Variants in SPMIP7 observed in about 807,000 individuals in gnomAD.
SPMIP7 encodes the protein sperm microtubule inner protein 7, also known as protein SPMIP7.
the SPMIP7 span, among the ~76,000 whole-genome samples, chr7:50,150,047 C>T: frequency 3.3e-5 from 5 of 152,290 alleles, no homozygotes; most frequent in South Asian, 6.2e-4. Context: ...TTTCACTAAC[C>T]TCTCTTCTGC....
At chr7:50,140,392 C>T in the SPMIP7 span, among the ~76,000 whole-genome samples, 1 of 151,874 alleles carries the variant, frequency 6.6e-6, no homozygotes, top group Non-Finnish European at 1.5e-5. Context: ...AAGAAAGAAA[C>T]AAAGAAGGAA....
At chr7:50,129,452 C>T in the SPMIP7 span, among the ~76,000 whole-genome samples, 1 of 151,782 alleles carries the variant, frequency 6.6e-6, no homozygotes, top group Non-Finnish European at 1.5e-5. Context: ...CTGATGTTTC[C>T]AATTCAAGAG....
At chr7:50,111,822 A>G in the SPMIP7 span, among the ~76,000 whole-genome samples, 58 of 152,290 alleles carry the variant, frequency 3.8e-4, no homozygotes, top group Non-Finnish European at 7.5e-4. Flanking sequence ...AATATTGCAA[A>G]CCACACAAAA....
chr7:50,121,343 C>A, the SPMIP7 span: 10 of 152,182 alleles, frequency 6.6e-5, no homozygotes, highest in Non-Finnish European at 1.5e-4. Context: ...TATAGGTGAA[C>A]CAACTGCAAC....
chr7:50,108,747 G>T, the SPMIP7 span, among the ~76,000 whole-genome samples: 29 of 152,154 alleles, frequency 1.9e-4, no homozygotes, highest in East Asian at 4.4e-3. Flanking sequence ...TACTACTTAA[G>T]AAATAAATTT....
At chr7:50,138,428 A>G in the SPMIP7 span, among the ~76,000 whole-genome samples, 1 of 152,242 alleles carries the variant, frequency 6.6e-6, no homozygotes, top group African/African-American at 2.4e-5. Context: ...ATAGCATGAG[A>G]CAGACAGACA....
the SPMIP7 span, among the ~76,000 whole-genome samples, chr7:50,102,232 CA>C: frequency 2.2e-4 from 34 of 152,078 alleles, no homozygotes; most frequent in Non-Finnish European, 4.1e-4. Flanking sequence ...GCTGAGGTGG[CA>C]GAATTGTTTG....
At chr7:50,111,324 T>C in the SPMIP7 span, among the ~76,000 whole-genome samples, 3 of 152,062 alleles carry the variant, frequency 2.0e-5, no homozygotes, top group African/African-American at 4.8e-5. Context: ...ATGCAGGTTT[T>C]GTAGATGAGA....
At chr7:50,139,074 G>C in the SPMIP7 span, among the ~76,000 whole-genome samples, 1 of 152,084 alleles carries the variant, frequency 6.6e-6, no homozygotes, top group Non-Finnish European at 1.5e-5. Context: ...TTATTGACCA[G>C]GTGTGGGGGC....
the SPMIP7 span, among the ~76,000 whole-genome samples, chr7:50,155,343 T>C: frequency 1.3e-5 from 2 of 152,222 alleles, no homozygotes; most frequent in South Asian, 4.1e-4. Flanking sequence ...AGACAAGTAA[T>C]ATATATTTAC....
the SPMIP7 span, among the ~76,000 whole-genome samples, chr7:50,144,445 A>G: frequency 6.6e-6 from 1 of 152,194 alleles, no homozygotes; most frequent in African/African-American, 2.4e-5. Context: ...ATTTTTGCAT[A>G]TTAAAATCTT....
chr7:50,110,950 T>C, the SPMIP7 span, among the ~76,000 whole-genome samples: 11 of 141,008 alleles, frequency 7.8e-5, no homozygotes, highest in African/African-American at 2.6e-4. Flanking sequence ...AATATAAATA[T>C]ATATTTATAA....
At chr7:50,104,040 T>A in the SPMIP7 span, among the ~76,000 whole-genome samples, 2 of 152,330 alleles carry the variant, frequency 1.3e-5, no homozygotes, top group Non-Finnish European at 2.9e-5. Flanking sequence ...AACATGTCTG[T>A]GTGCACATAC....
At chr7:50,151,691 C>T in the SPMIP7 span, 28 of 615,340 alleles carry the variant, frequency 4.6e-5, no homozygotes, top group Middle Eastern at 1.8e-3. Context: ...GCATCAAGTC[C>T]GAAACAGAAA....
At chr7:50,104,368 C>T in the SPMIP7 span, 1 of 1,538,800 alleles carries the variant, frequency 6.5e-7, no homozygotes, top group Non-Finnish European at 8.8e-7. Flanking sequence ...GAAGGACGCT[C>T]ATTAAGTCAC....
chr7:50,140,294 C>A, the SPMIP7 span: 4 of 561,388 alleles, frequency 7.1e-6, no homozygotes, highest in Non-Finnish European at 1.2e-5. Context: ...TATATTGTAA[C>A]ACATTTCTAA....
chr7:50,103,639 T>C, the SPMIP7 span, among the ~76,000 whole-genome samples: 1 of 152,200 alleles, frequency 6.6e-6, no homozygotes, highest in African/African-American at 2.4e-5. Flanking sequence ...CCTCTACTTC[T>C]CCTTTTTCAT....
chr7:50,117,091 C>G, the SPMIP7 span, among the ~76,000 whole-genome samples: 1 of 152,328 alleles, frequency 6.6e-6, no homozygotes, highest in African/African-American at 2.4e-5. Flanking sequence ...TTACTAGAAA[C>G]TCAGTATCAG....
chr7:50,103,314 G>A, the SPMIP7 span, among the ~76,000 whole-genome samples: 1 of 152,078 alleles, frequency 6.6e-6, no homozygotes, highest in Non-Finnish European at 1.5e-5. Flanking sequence ...CCATGGGATA[G>A]GAGAATCGAT....
Sources: allele counts gnomAD v4.1 joint callset (sites outside exome capture counted in the v4.1 genomes callset), GRCh38; gene constraint gnomAD v4.1.1; transcripts MANE v1.5; gene names NCBI Gene and HGNC (gene_info 2026-07-23, HGNC 2026-07-21).